Variants in BCAT1 observed in about 807,000 individuals in gnomAD.
BCAT1 encodes the protein branched chain amino acid transaminase 1.
Under a neutral mutation model 52.4 loss-of-function variants are expected in BCAT1, and 48 were observed. That is an observed-to-expected ratio of 0.92 (90% confidence interval 0.73 to 1.16). BCAT1 has a LOEUF of 1.16. Ranked by LOEUF, BCAT1 falls within the 50% of genes most tolerant of loss-of-function variation. BCAT1 has a pLI of 0.00. For synonymous variants in BCAT1, 167 were observed against 161.3 expected, an observed-to-expected ratio of 1.04 and a Z score of -0.27; for missense variants, 451 against 457.1, an observed-to-expected ratio of 0.99 and a Z score of 0.12.
intron 1 of BCAT1, among the ~76,000 whole-genome samples, chr12:24,928,704 TTTGTTGTTGTTGTTGTTG>T (rs71063374): frequency 1.6e-4 from 23 of 144,192 alleles, no homozygotes; most frequent in Admixed American, 4.9e-4. Flanking sequence ...GTGTGAAATG[TTTGTTGTTGTTGTTGTTG>T]TTGTTGTTGT....
rs1939847909 is a variant in BCAT1, at chr12:24,815,605, C to G, written c.*2403G>C. 1 of 152,214 alleles carries G rather than the reference C, an allele frequency of 6.6e-6. No individual in the cohort carries two copies. Among genetic ancestry groups the G allele is most frequent in the African/African-American group, 2.4e-5 (1 of 41,426 alleles). 9.4% of individuals were successfully genotyped at this position (152,214 alleles called of 1,614,324 possible). A position where few individuals can be genotyped will look rare whatever the true frequency, so the allele number is the denominator to read the frequency against. On this transcript the variant is annotated 3_prime_UTR_variant, in exon 11 of 11. Coordinates refer to ENST00000261192, the MANE Select transcript of BCAT1 (RefSeq NM_005504.7). ...AGATGTTCCTGTTAAATCTATTTAA[C>G]AAGAAAGCGTCAAGGTCAATTTCCT... is the stretch of plus-strand genomic sequence containing the variant.
chr12:24,912,207 A>C (rs1943337563), intron 1 of BCAT1, among the ~76,000 whole-genome samples: 1 of 152,202 alleles, frequency 6.6e-6, no homozygotes, highest in African/African-American at 2.4e-5. Context: ...TAGTAAATAC[A>C]TGATAAATAT....
intron 1 of BCAT1, among the ~76,000 whole-genome samples, chr12:24,923,475 C>T (rs1943531628): frequency 6.6e-6 from 1 of 152,162 alleles, no homozygotes; most frequent in Non-Finnish European, 1.5e-5. Context: ...AGTGCAGTGG[C>T]ACAATCTCAG....
At chr12:24,887,076 A>AT (rs1445115553) in intron 3 of BCAT1, among the ~76,000 whole-genome samples, 2 of 91,220 alleles carry the variant, frequency 2.2e-5, no homozygotes, top group East Asian at 5.4e-4. Flanking sequence ...AAAAAAAAAA[A>AT]AAAAATATAT....
At position 24,943,807 on chromosome 12, in the gene BCAT1, A is replaced by G. The variant is rs551199717; in HGVS notation, c.6+5120T>C. On this transcript the variant is annotated intron_variant, in intron 1 of 10. Transcript: ENST00000261192. ...AGACCTTCCTGGCTAACATGGTGAA[A>G]CCCCGTCTCTACAAAAAATACAAAA... is the stretch of plus-strand genomic sequence containing the variant. 2.0e-3 allele frequency among the ~76,000 whole-genome samples: 300 copies of G among 151,850 alleles called. 2 individuals carry two copies. Among genetic ancestry groups the G allele is most frequent in the Middle Eastern group, 0.01 (3 of 294 alleles).
intron 1 of BCAT1, among the ~76,000 whole-genome samples, chr12:24,948,712 C>A (rs182424650): frequency 6.6e-6 from 1 of 152,288 alleles, no homozygotes; most frequent in African/African-American, 2.4e-5. Context: ...CGAGAAGGCA[C>A]GTCCTGCGAG....
At chr12:24,931,014 T>A (rs1270161414) in intron 1 of BCAT1, among the ~76,000 whole-genome samples, 1 of 151,106 alleles carries the variant, frequency 6.6e-6, no homozygotes. Flanking sequence ...GTGATTCTCC[T>A]GTCTCAGCCT....
intron 1 of BCAT1, among the ~76,000 whole-genome samples, chr12:24,913,012 T>C (rs577136781): frequency 2.5e-4 from 38 of 152,320 alleles, no homozygotes; most frequent in South Asian, 1.9e-3. Flanking sequence ...GGTGAAACCC[T>C]GTCTTTACAA....
intron 1 of BCAT1, 125 bp from the exon 2 acceptor site, chr12:24,902,010 G>C (rs759002628): frequency 1.3e-6 from 2 of 1,587,950 alleles, no homozygotes; most frequent in African/African-American, 2.7e-5. Flanking sequence ...CACAAAAAAG[G>C]AGGCTCAGAC....
chr12:24,923,193 G>A (rs909033451), intron 1 of BCAT1, among the ~76,000 whole-genome samples: 1 of 152,142 alleles, frequency 6.6e-6, no homozygotes. Flanking sequence ...TTTAGGCATC[G>A]TGAGCCATTC....
chr12:24,832,147 G>A (rs1779032079), intron 9 of BCAT1, among the ~76,000 whole-genome samples: 1 of 152,180 alleles, frequency 6.6e-6, no homozygotes, highest in Non-Finnish European at 1.5e-5. Context: ...ACCAGAAACT[G>A]AAATGTAACT....
At chr12:24,946,628 T>C (rs1251938126) in intron 1 of BCAT1, among the ~76,000 whole-genome samples, 1 of 152,246 alleles carries the variant, frequency 6.6e-6, no homozygotes, top group Non-Finnish European at 1.5e-5. Context: ...TGCGCATGCG[T>C]ACGGGGGGAC....
chr12:24,838,033 C>T (rs1221797999), intron 7 of BCAT1, among the ~76,000 whole-genome samples: 3 of 152,148 alleles, frequency 2.0e-5, no homozygotes, highest in African/African-American at 7.2e-5. Flanking sequence ...CAGCATCTCC[C>T]TTTCCTCCCC....
chr12:24,920,569 A>G (rs1347672811), intron 1 of BCAT1, among the ~76,000 whole-genome samples: 1 of 152,186 alleles, frequency 6.6e-6, no homozygotes, highest in South Asian at 2.1e-4. Context: ...CACAAAAACA[A>G]TCAACACGGA....
At chr12:24,899,921 G>A (rs768186272) in intron 2 of BCAT1, among the ~76,000 whole-genome samples, 2 of 151,952 alleles carry the variant, frequency 1.3e-5, no homozygotes, top group Admixed American at 6.6e-5. Flanking sequence ...AAGGGTGTAG[G>A]TGGAGGAAGA....
chr12:24,927,546 C>A (rs1272913414), intron 1 of BCAT1, among the ~76,000 whole-genome samples: 2 of 152,070 alleles, frequency 1.3e-5, no homozygotes, highest in Admixed American at 1.3e-4. Flanking sequence ...AAAGTTTAAA[C>A]CATAAGGGAA....
chr12:24,848,175 A>C (rs1182821922), intron 6 of BCAT1, among the ~76,000 whole-genome samples: 3 of 152,212 alleles, frequency 2.0e-5, no homozygotes, highest in Admixed American at 1.3e-4. Flanking sequence ...ATCATAGTCC[A>C]CCTGAGCCTA....
At chr12:24,883,422 C>A (rs1426848076) in intron 3 of BCAT1, among the ~76,000 whole-genome samples, 1 of 151,982 alleles carries the variant, frequency 6.6e-6, no homozygotes, top group African/African-American at 2.4e-5. Context: ...ACAGTCATTA[C>A]TTTTTGAGAT....
intron 9 of BCAT1, among the ~76,000 whole-genome samples, 173 bp downstream of exon 9, chr12:24,832,550 C>A (rs1053675382): frequency 6.6e-6 from 1 of 152,136 alleles, no homozygotes; most frequent in African/African-American, 2.4e-5. Context: ...CACTGCACTC[C>A]AGCCTGGGCA....
Sources: allele counts gnomAD v4.1 joint callset (sites outside exome capture counted in the v4.1 genomes callset), GRCh38; gene constraint gnomAD v4.1.1; transcripts MANE v1.5; gene names NCBI Gene and HGNC (gene_info 2026-07-23, HGNC 2026-07-21).